ARHGAP4: variants seen among roughly 807,000 people sequenced by gnomAD.
The protein encoded by ARHGAP4 is rho GTPase-activating protein 4.
In ARHGAP4, 25 loss-of-function variants were observed where a neutral mutation model predicts 67.6. The observed-to-expected ratio is 0.37, with a 90% CI of 0.27 to 0.52. ARHGAP4 has a LOEUF of 0.52. ARHGAP4 is among the 20% of genes least tolerant of loss of function. The probability of loss-of-function intolerance (pLI) is 0.92; values close to 1 mark genes in which losing one functional copy is unlikely to be tolerated. For synonymous variants in ARHGAP4, 448 were observed against 373.7 expected, an observed-to-expected ratio of 1.20 and a Z score of -2.29; for missense variants, 804 against 854.6, an observed-to-expected ratio of 0.94 and a Z score of 0.74.
In ARHGAP4 at chrX:153,907,697, C is replaced by T. The variant is rs782053293; in HGVS notation, c.*32G>A. ...GAGAGTGGCCGGTCCAGCGGGTAGC[C>T]GCCGGGGGCACGCATCTCCAGCAGC... On this transcript the variant is annotated 3_prime_UTR_variant, in exon 22 of 22. Coordinates refer to ENST00000350060, the MANE Select transcript of ARHGAP4 (RefSeq NM_001666.5). 13 of 836,150 alleles carry T rather than the reference C, an allele frequency of 1.6e-5. No homozygotes were observed. Among genetic ancestry groups the T allele is most frequent in the South Asian group, 9.2e-5 (2 of 21,665 alleles). The allele number at this position is 836,150 out of a possible 1,213,427, so 68.9% of individuals were successfully genotyped here.
At chrX:153,917,512 T>C (rs1304063582) in intron 7 of ARHGAP4, among the ~76,000 whole-genome samples, 1 of 112,022 alleles carries the variant, frequency 8.9e-6, no homozygotes, top group East Asian at 2.8e-4. Flanking sequence ...TCCCAGCACT[T>C]TGGGAGGCCG....
intron 21 of ARHGAP4, among the ~76,000 whole-genome samples, chrX:153,908,559 C>G (rs2064990235): frequency 8.9e-6 from 1 of 112,141 alleles, no homozygotes; most frequent in Admixed American, 9.4e-5. Context: ...ACATCTTGAG[C>G]CTTCGCTCTG....
intron 1 of ARHGAP4, among the ~76,000 whole-genome samples, chrX:153,922,673 G>A (rs1165952984): frequency 4.4e-5 from 5 of 112,396 alleles, no homozygotes; most frequent in African/African-American, 1.6e-4. Context: ...GAGTAAATAA[G>A]ATGCTAGCTC....
In ARHGAP4 at chrX:153,910,582, G is replaced by A. The variant is rs1376311393; in HGVS notation, c.1846C>T (p.His616Tyr). Residue 616 changes from histidine (H) to tyrosine (Y), a missense_variant, in exon 16 of 22, where the codon CAC (histidine) becomes TAC (tyrosine). Physicochemically the swap from His to Tyr is moderately conservative, Grantham distance 83. Coordinates refer to ENST00000350060, the MANE Select transcript of ARHGAP4 (RefSeq NM_001666.5). ...AGCCGCCACAGCAGGCGGCTCACGT[G>A]CTCCACCCTCTCCGCTGTGGCCTCC... ...ELEATAERVE[H>Y]VSRLLWRLPA... 1 of 1,206,743 alleles carries A rather than the reference G, an allele frequency of 8.3e-7. No individual in the cohort carries two copies. Among genetic ancestry groups the A allele is most frequent in the Non-Finnish European group, 1.1e-6 (1 of 894,411 alleles).
At position 153,909,435 on chromosome X, in the gene ARHGAP4, T is replaced by A. The variant is rs1305740040; in HGVS notation, c.2507+8A>T. 8.4e-7 allele frequency: 1 copy of A among 1,185,165 alleles called. No homozygotes were observed. Among genetic ancestry groups the A allele is most frequent in the Admixed American group, 2.4e-5 (1 of 42,528 alleles). ...GTGTGGCCCCCTGAGCCCCGTCTTCTTGCTCACCGGTGGACCAGCTCCGAT... is the reference window on the plus strand; with the variant it reads ...GTGTGGCCCCCTGAGCCCCGTCTTCATGCTCACCGGTGGACCAGCTCCGAT... On this transcript the variant is annotated splice_region_variant and intron_variant, in intron 20 of 21. Coordinates refer to ENST00000350060, the MANE Select transcript of ARHGAP4 (RefSeq NM_001666.5).
rs782557948 is a variant in ARHGAP4 at position 153,910,218 on chromosome X, G to A, written c.2109C>T (p.Gly703=). 2.6e-5 allele frequency: 31 copies of A among 1,209,840 alleles called. No homozygotes were observed. The South Asian group carries it at 5.1e-4, about 20-fold the overall frequency. ...GTGCCATGCACTTCTCGTAGACGGG[G>A]CCAGGCAGCGAGGTCAGGGGCGGGA... ...RVFPPLTSLP[G]PVYEKCMAPP... is the part of the protein sequence containing the mutation. The change falls in exon 17 of 22, where the codon GGC becomes GGT. Residue 703 remains glycine (G), a synonymous_variant. Transcript: ENST00000350060.
intron 5 of ARHGAP4, 101 bp from the exon 6 acceptor site, chrX:153,919,384 ACT>A: frequency 8.4e-7 from 1 of 1,184,351 alleles, no homozygotes. Flanking sequence ...ACTGTGGACA[ACT>A]ACACCTGAAC....
chrX:153,913,547 C>T lies in ARHGAP4; in HGVS notation c.1188G>A (p.Ser396=), dbSNP rs782744613. Residue 396 remains serine, a synonymous_variant, in exon 9 of 22, where the codon TCG becomes TCA. Transcript: ENST00000350060. ...TLQALLEVVA[S]DDGDVLDSFQ... The stretch of plus-strand genomic sequence containing the variant: ...AGGAATCAAGCACATCCCCGTCATC[C>T]GAGGCCACCACCTCCAGCAGGGCCT... 9 of 1,210,242 alleles carry T rather than the reference C, an allele frequency of 7.4e-6. No homozygotes were observed. The highest frequency in any genetic ancestry group is 7.0e-5 in the South Asian group (4 of 56,809).
intron 10 of ARHGAP4, 29 bp downstream of exon 10, chrX:153,913,189 G>C (rs1189111786): frequency 8.6e-7 from 1 of 1,164,862 alleles, no homozygotes; most frequent in South Asian, 1.9e-5. Context: ...GCAGGGGAGA[G>C]GCGGGGAAGG....
intron 7 of ARHGAP4, among the ~76,000 whole-genome samples, chrX:153,917,268 G>C (rs1162989497): frequency 2.7e-5 from 3 of 110,688 alleles, no homozygotes; most frequent in Non-Finnish European, 5.7e-5. Flanking sequence ...AAATTAGCCA[G>C]GTGTGGTGGC....
chrX:153,918,148 C>T (rs1396137129), intron 7 of ARHGAP4, among the ~76,000 whole-genome samples: 2 of 112,992 alleles, frequency 1.8e-5, no homozygotes, highest in African/African-American at 6.4e-5. Context: ...TACCTGTTGT[C>T]ATGGTGATTT....
In ARHGAP4 at chrX:153,908,476, C is replaced by T. The variant is rs187766342; in HGVS notation, c.2608-514G>A. On this transcript the variant is annotated intron_variant, in intron 21 of 21. Coordinates refer to ENST00000350060, the MANE Select transcript of ARHGAP4 (RefSeq NM_001666.5). ...CTGTCCCGCGGGCTTCCACGTTCAG[C>T]CCGACAGTGTTCACAGGGCCCATGG... Among the ~76,000 whole-genome samples the T allele has an allele frequency of 1.3e-3, 146 of 112,310 alleles. 1 individual carries two copies. Among genetic ancestry groups the T allele is most frequent in the African/African-American group, 4.3e-3 (133 of 30,898 alleles).
chrX:153,922,210 G>A (rs1287180132), intron 1 of ARHGAP4: 9 of 839,599 alleles, frequency 1.1e-5, no homozygotes, highest in Non-Finnish European at 1.2e-5. Flanking sequence ...CCGGTACCCA[G>A]GCTCCGGGAG....
chrX:153,909,219 T>A, intron 20 of ARHGAP4, 50 bp from the exon 21 acceptor site: 3 of 1,101,770 alleles, frequency 2.7e-6, no homozygotes, highest in Non-Finnish European at 3.7e-6. Flanking sequence ...GTCCCTGAGC[T>A]AGCTGGGCAG....
Position 153,909,049 on chromosome X carries a change from C to G in ARHGAP4, c.2607+21G>C, listed in dbSNP as rs782683862. 8 of 1,200,661 alleles carry G rather than the reference C, an allele frequency of 6.7e-6. No individual in the cohort carries two copies. The South Asian group carries it at 1.1e-4, about 16-fold the overall frequency. ...ATCCCCCAGGACAGATGTCCCTCAC[C>G]TGCCACACACCCACTCTCACCTTAT... On this transcript the variant is annotated intron_variant, in intron 21 of 21. Transcript: ENST00000350060.
chrX:153,910,269 C>T lies in ARHGAP4; in HGVS notation c.2058G>A (p.Thr686=), dbSNP rs1319057072. 2.5e-6 allele frequency: 3 copies of T among 1,210,276 alleles called. No individual in the cohort carries two copies. Among genetic ancestry groups the T allele is most frequent in the South Asian group, 1.8e-5 (1 of 56,850 alleles). Residue 686 remains threonine, a synonymous_variant, in exon 17 of 22, where the codon ACG becomes ACA. Transcript: ENST00000350060. ...AGACCCGATCGGGCTGCACTATGAG[C>T]GTCTGCACCAGCTGGTTCACCCGGC... is the stretch of plus-strand genomic sequence containing the variant. ...LQGRVNQLVQ[T]LIVQPDRVFP... is the part of the protein sequence containing the mutation.
chrX:153,918,305 T>G (rs1603286710), intron 7 of ARHGAP4, among the ~76,000 whole-genome samples: 6 of 47,974 alleles, frequency 1.3e-4, no homozygotes, highest in Non-Finnish European at 1.5e-4. Context: ...CACCGGGAGG[T>G]GGGTGGCTGT....
rs782694848 is a variant in ARHGAP4 at position 153,920,635 on chromosome X, C to T, written c.672G>A (p.Leu224=). Residue 224 remains leucine, a synonymous_variant, in exon 5 of 22, where the codon CTG becomes CTA. Coordinates refer to ENST00000350060, the MANE Select transcript of ARHGAP4 (RefSeq NM_001666.5). ...RKSSLKKGGR[L]VEKRQAKFME... The stretch of plus-strand genomic sequence containing the variant: ...TGCCCTCCAGGCCCACCTTCTCCAC[C>T]AGCCTCCCTCCCTTCTTGAGGGAGC... The T allele has an allele frequency of 1.7e-6, 2 of 1,202,365 alleles. No individual in the cohort carries two copies. The highest frequency in any genetic ancestry group is 3.5e-5 in the African/African-American group (2 of 57,530).
At chrX:153,909,222 C>T in intron 20 of ARHGAP4, 53 bp from the exon 21 acceptor site, 1 of 1,087,928 alleles carries the variant, frequency 9.2e-7, no homozygotes, top group Non-Finnish European at 1.2e-6. Flanking sequence ...CCTGAGCTAG[C>T]TGGGCAGTGG....
Sources: allele counts gnomAD v4.1 joint callset (sites outside exome capture counted in the v4.1 genomes callset), GRCh38; gene constraint gnomAD v4.1.1; transcripts MANE v1.5; gene names NCBI Gene and HGNC (gene_info 2026-07-23, HGNC 2026-07-21).